Variants in IPO7 observed in about 807,000 individuals in gnomAD.
IPO7 encodes the protein importin 7.
IPO7 carries 13 observed loss-of-function variants against 136.4 expected under a neutral mutation model. That is an observed-to-expected ratio of 0.10 (90% confidence interval 0.06 to 0.15). IPO7 has a LOEUF of 0.15. Ranked by LOEUF, IPO7 falls within the 10% of genes least tolerant of loss-of-function variation. The pLI is 1.00. For missense variants in IPO7, 857 were observed against 1,240.6 expected, an observed-to-expected ratio of 0.69 and a Z score of 4.65; for synonymous variants, 403 against 404.4, an observed-to-expected ratio of 1.00 and a Z score of 0.04.
intron 1 of IPO7, among the ~76,000 whole-genome samples, chr11:9,395,973 T>C (rs868487671): frequency 6.6e-6 from 1 of 152,164 alleles, no homozygotes; most frequent in Middle Eastern, 3.4e-3. Flanking sequence ...TCCACCCGTC[T>C]CAGCCTCCCA....
intron 6 of IPO7, among the ~76,000 whole-genome samples, chr11:9,418,770 T>C (rs111881214): frequency 7.8e-4 from 119 of 152,328 alleles, no homozygotes; most frequent in Non-Finnish European, 1.3e-3. Context: ...TATGTACCCA[T>C]GTAGCCATCA....
chr11:9,409,860 C>A, intron 3 of IPO7, 68 bp from the exon 4 acceptor site: 1 of 1,239,368 alleles, frequency 8.1e-7, no homozygotes, highest in East Asian at 2.7e-5. Flanking sequence ...AGCTATTTTC[C>A]TTTCTATGGG....
chr11:9,443,210 A>G (rs1192103491), intron 24 of IPO7, among the ~76,000 whole-genome samples: 1 of 151,828 alleles, frequency 6.6e-6, no homozygotes, highest in Non-Finnish European at 1.5e-5. Flanking sequence ...TCTCAAAAAA[A>G]CAAAAAAAAG....
At chr11:9,411,422 G>A (rs757262340) in intron 4 of IPO7, among the ~76,000 whole-genome samples, 2 of 152,184 alleles carry the variant, frequency 1.3e-5, no homozygotes, top group African/African-American at 4.8e-5. Flanking sequence ...TGAAGAGGAA[G>A]GCGTGTCACA....
intron 6 of IPO7, among the ~76,000 whole-genome samples, chr11:9,417,519 A>C (rs1564997830): frequency 6.6e-6 from 1 of 152,078 alleles, no homozygotes; most frequent in Non-Finnish European, 1.5e-5. Context: ...TGATTTACAG[A>C]TTGGCCAACT....
Position 9,446,600 on chromosome 11 carries a change from A to G in IPO7, c.*1406A>G, listed in dbSNP as rs1178028544. The G allele has an allele frequency of 1.3e-5, 2 of 152,224 alleles. No homozygotes were observed. The highest frequency in any genetic ancestry group is 2.9e-5 in the Non-Finnish European group (2 of 68,044). The allele number at this position is 152,224 out of a possible 1,614,324, so 9.4% of individuals were successfully genotyped here. A position where few individuals can be genotyped will look rare whatever the true frequency, so the allele number is the denominator to read the frequency against. On this transcript the variant is annotated 3_prime_UTR_variant, in exon 25 of 25. Transcript: ENST00000379719. ...AGTCATACATTGGGTTATTTTTTATATACATGTATACACAAAATATTTCAA... is the reference window on the plus strand; with the variant it reads ...AGTCATACATTGGGTTATTTTTTATGTACATGTATACACAAAATATTTCAA...
At chr11:9,436,937 G>A (rs1211650014) in intron 20 of IPO7, among the ~76,000 whole-genome samples, 1 of 132,838 alleles carries the variant, frequency 7.5e-6, no homozygotes, top group Non-Finnish European at 1.5e-5. Flanking sequence ...CTAGGCTGGA[G>A]TGCAGTCGCG....
chr11:9,397,122 T>C (rs1854719530), intron 1 of IPO7, among the ~76,000 whole-genome samples: 2 of 150,618 alleles, frequency 1.3e-5, no homozygotes, highest in African/African-American at 4.9e-5. Context: ...ACAGTGGTGG[T>C]TTTTGTTGTT....
chr11:9,392,677 G>A (rs564984882), intron 1 of IPO7, among the ~76,000 whole-genome samples: 21 of 152,128 alleles, frequency 1.4e-4, no homozygotes, highest in South Asian at 1.0e-3. Context: ...GGCCGGGTGC[G>A]GTGGCTCAGG....
chr11:9,402,085 C>T (rs1364565229), intron 1 of IPO7, among the ~76,000 whole-genome samples: 1 of 152,088 alleles, frequency 6.6e-6, no homozygotes, highest in African/African-American at 2.4e-5. Context: ...TTTTGAGCTG[C>T]TGTCACCAGT....
In IPO7 at chr11:9,438,412, G is replaced by A. The variant is rs192881691; in HGVS notation, c.2695+127G>A. 130 of 644,366 alleles carry A rather than the reference G, an allele frequency of 2.0e-4. 2 individuals are homozygous for A. In the African/African-American group the frequency reaches 2.0e-3, roughly 10 times the overall value. 39.9% of individuals were successfully genotyped at this position (644,366 alleles called of 1,614,324 possible). On this transcript the variant is annotated intron_variant, in intron 22 of 24. Coordinates refer to ENST00000379719, the MANE Select transcript of IPO7 (RefSeq NM_006391.3). The stretch of plus-strand genomic sequence containing the variant: ...GAGGCTGAGGCAGGTGGATCACACG[G>A]TCAGGAGTTCGAGACCAGCCTGGCC...
intron 4 of IPO7, among the ~76,000 whole-genome samples, chr11:9,411,072 C>T (rs1209133362): frequency 6.6e-6 from 1 of 152,178 alleles, no homozygotes; most frequent in Non-Finnish European, 1.5e-5. Context: ...AATGTTCCAG[C>T]TGTTACAGTT....
Position 9,384,814 on chromosome 11 carries a change from C to G in IPO7, c.51C>G (p.Ala17=). 6.2e-7 allele frequency: 1 copy of G among 1,607,154 alleles called. No homozygotes were observed. Among genetic ancestry groups the G allele is most frequent in the Non-Finnish European group, 8.5e-7 (1 of 1,177,026 alleles). ...IEALRGTMDP[A]LREAAERQLN... is the part of the protein sequence containing the mutation. ...CCCTGCGGGGCACTATGGACCCAGC[C>G]CTGCGTGAGGCCGCGGAGCGCCAGC... Residue 17 remains alanine, a synonymous_variant, in exon 1 of 25, where the codon GCC becomes GCG. Transcript: ENST00000379719.
At chr11:9,429,640 G>T (rs762812198) in intron 14 of IPO7, 34 bp from the exon 15 acceptor site, 2 of 1,574,210 alleles carry the variant, frequency 1.3e-6, no homozygotes, top group Non-Finnish European at 1.7e-6. Context: ...AGTTTTAGGG[G>T]TTTTACGCAA....
chr11:9,444,836 CAAAAAAAA>C (rs1044435694), intron 24 of IPO7, among the ~76,000 whole-genome samples: 2 of 71,162 alleles, frequency 2.8e-5, no homozygotes, highest in Admixed American at 1.5e-4. Context: ...GACTCTGTCT[CAAAAAAAA>C]AAAAAAAAAA....
chr11:9,444,649 C>G (rs1021639991), intron 24 of IPO7, among the ~76,000 whole-genome samples: 3 of 151,578 alleles, frequency 2.0e-5, no homozygotes, highest in Non-Finnish European at 4.4e-5. Flanking sequence ...ACCTGGCCAA[C>G]ATGGTGAAAC....
At chr11:9,395,313 G>A (rs1029336103) in intron 1 of IPO7, among the ~76,000 whole-genome samples, 13 of 151,154 alleles carry the variant, frequency 8.6e-5, no homozygotes, top group Non-Finnish European at 1.6e-4. Flanking sequence ...GTACGATCTC[G>A]GCTCACTGCA....
rs201466525 is a variant in IPO7 at position 9,397,360 on chromosome 11, A to T, written c.85-5930A>T. Among the ~76,000 whole-genome samples, 3 of 42,438 alleles carry T rather than the reference A, an allele frequency of 7.1e-5. 1 individual carries two copies. The highest frequency in any genetic ancestry group is 2.3e-4 in the African/African-American group (2 of 8,518). The allele number at this position is 42,438 out of a possible 152,430, so 27.8% of individuals were successfully genotyped here. A position where few individuals can be genotyped will look rare whatever the true frequency, so the allele number is the denominator to read the frequency against. ...AAAAAAAATATATATATATATATATATATATTAGTCGGGCACGGTGGCAGG... is the reference window on the plus strand; with the variant it reads ...AAAAAAAATATATATATATATATATTTATATTAGTCGGGCACGGTGGCAGG... On this transcript the variant is annotated intron_variant, in intron 1 of 24. Coordinates refer to ENST00000379719, the MANE Select transcript of IPO7 (RefSeq NM_006391.3).
intron 2 of IPO7, among the ~76,000 whole-genome samples, chr11:9,407,935 G>A (rs1854910097): frequency 6.6e-6 from 1 of 152,158 alleles, no homozygotes; most frequent in Non-Finnish European, 1.5e-5. Context: ...ATAACTGACA[G>A]AAAAATAGCA....
Sources: allele counts gnomAD v4.1 joint callset (sites outside exome capture counted in the v4.1 genomes callset), GRCh38; gene constraint gnomAD v4.1.1; transcripts MANE v1.5; gene names NCBI Gene and HGNC (gene_info 2026-07-23, HGNC 2026-07-21).